Variants in TFCP2 observed in about 807,000 individuals in gnomAD.
TFCP2 encodes the protein transcription factor CP2.
A neutral mutation model predicts 73.4 loss-of-function variants in TFCP2; 33 were observed. That is an observed-to-expected ratio of 0.45 (90% confidence interval 0.34 to 0.60). The LOEUF is 0.60. Ranked by LOEUF, TFCP2 falls within the 20% of genes least tolerant of loss-of-function variation. TFCP2 has a pLI of 0.01. For synonymous variants in TFCP2, 193 were observed against 211.6 expected (o/e 0.91, Z 0.76); for missense variants, 352 against 604.0 (o/e 0.58, Z 4.37).
chr12:51,095,354 G>A, intron 14 of TFCP2, 76 bp from the exon 15 acceptor site: 1 of 1,498,146 alleles, frequency 6.7e-7, no homozygotes, highest in Non-Finnish European at 9.2e-7. Context: ...AGTATGGTAA[G>A]ATTCTCGTGA....
At chr12:51,125,592 T>A (rs2136994798) in intron 1 of TFCP2, among the ~76,000 whole-genome samples, 1 of 152,370 alleles carries the variant, frequency 6.6e-6, no homozygotes, top group South Asian at 2.1e-4. Flanking sequence ...TAACCTCTTC[T>A]GCTCAGCTCA....
chr12:51,142,093 C>T (rs1331777256), intron 1 of TFCP2, among the ~76,000 whole-genome samples: 1 of 147,254 alleles, frequency 6.8e-6, no homozygotes, highest in Non-Finnish European at 1.5e-5. Context: ...ATCCCAGCTA[C>T]TCAGGAGGCT....
chr12:51,117,807 A>G, intron 2 of TFCP2, 60 bp from the exon 3 acceptor site: 1 of 1,206,188 alleles, frequency 8.3e-7, no homozygotes, highest in Non-Finnish European at 1.2e-6. Flanking sequence ...TAGATTCGGA[A>G]AGAATAAAAT....
intron 1 of TFCP2, among the ~76,000 whole-genome samples, chr12:51,146,256 C>T (rs1462516366): frequency 1.3e-5 from 2 of 151,442 alleles, no homozygotes; most frequent in Non-Finnish European, 2.9e-5. Context: ...TGCAGTGAGT[C>T]AAGCTTGTGC....
Position 51,154,292 on chromosome 12 carries a change from T to A in TFCP2, c.122+18009A>T, listed in dbSNP as rs186566118. Reference sequence around the variant, plus strand: ...GGAGAGTATCAAACCCCGTATAGTGTGTTTTTTCCTATATATGTATATCCA... The same window carrying A: ...GGAGAGTATCAAACCCCGTATAGTGAGTTTTTTCCTATATATGTATATCCA... On this transcript the variant is annotated intron_variant, in intron 1 of 14. Coordinates refer to ENST00000257915, the MANE Select transcript of TFCP2 (RefSeq NM_005653.5). Among the ~76,000 whole-genome samples, 117 of 152,314 alleles carry A rather than the reference T, an allele frequency of 7.7e-4. 1 individual carries two copies. The highest frequency in any genetic ancestry group is 6.5e-4 in the Non-Finnish European group (44 of 68,030).
At chr12:51,107,540 T>C (rs146740000) in intron 6 of TFCP2, among the ~76,000 whole-genome samples, 194 bp from the exon 7 acceptor site, 2 of 152,296 alleles carry the variant, frequency 1.3e-5, no homozygotes, top group East Asian at 3.9e-4. Flanking sequence ...GAATCAGATC[T>C]ATAGCTACTG....
intron 8 of TFCP2, among the ~76,000 whole-genome samples, chr12:51,105,759 C>T (rs897877573): frequency 3.9e-5 from 6 of 152,058 alleles, no homozygotes; most frequent in African/African-American, 1.4e-4. Flanking sequence ...TTTAAGCTAC[C>T]TTAATTAAAT....
At chr12:51,097,488 C>T (rs961772965) in intron 13 of TFCP2, among the ~76,000 whole-genome samples, 1 of 149,316 alleles carries the variant, frequency 6.7e-6, no homozygotes, top group Non-Finnish European at 1.5e-5. Context: ...CCTTGTGATC[C>T]ACCCGTCTCA....
At chr12:51,129,452 G>A (rs1418154187) in intron 1 of TFCP2, among the ~76,000 whole-genome samples, 2 of 151,188 alleles carry the variant, frequency 1.3e-5, no homozygotes, top group Non-Finnish European at 2.9e-5. Context: ...GGCGGAGGTT[G>A]CAGTGAGCCG....
intron 3 of TFCP2, among the ~76,000 whole-genome samples, chr12:51,116,807 G>A (rs1018107214): frequency 4.6e-5 from 7 of 152,070 alleles, no homozygotes; most frequent in African/African-American, 1.7e-4. Context: ...TGTAGAGACA[G>A]GGTTTCTCCA....
At chr12:51,144,976 G>A (rs900842587) in intron 1 of TFCP2, among the ~76,000 whole-genome samples, 7 of 152,126 alleles carry the variant, frequency 4.6e-5, no homozygotes, top group South Asian at 2.1e-4. Context: ...CGAGGTGGGC[G>A]GATCACTTGA....
rs985853719 is a variant in TFCP2, at chr12:51,172,684, C to G, written c.-262G>C. ...GGAACGTGAGGACCCCTTTGCTCAA[C>G]TACTGCAGACTTCCCAGAGGCAGCT... On this transcript the variant is annotated 5_prime_UTR_variant, in exon 1 of 15. Transcript: ENST00000257915. 5.1e-6 allele frequency: 2 copies of G among 392,242 alleles called. No homozygotes were observed. Among genetic ancestry groups the G allele is most frequent in the African/African-American group, 4.1e-5 (2 of 49,218 alleles). 24.3% of individuals were successfully genotyped at this position (392,242 alleles called of 1,614,324 possible).
intron 10 of TFCP2, among the ~76,000 whole-genome samples, chr12:51,102,718 G>A (rs1024791403): frequency 6.6e-5 from 10 of 151,500 alleles, no homozygotes; most frequent in African/African-American, 9.7e-5. Context: ...GTGAGACTCC[G>A]TCTCAAAAAA....
chr12:51,163,281 C>T (rs1354643448), intron 1 of TFCP2, among the ~76,000 whole-genome samples: 1 of 152,008 alleles, frequency 6.6e-6, no homozygotes, highest in Non-Finnish European at 1.5e-5. Flanking sequence ...CAGAGCAAGA[C>T]CCTGTCTTAA....
intron 12 of TFCP2, among the ~76,000 whole-genome samples, chr12:51,099,268 T>G (rs1375487916): frequency 2.0e-5 from 3 of 152,124 alleles, no homozygotes; most frequent in Non-Finnish European, 2.9e-5. Flanking sequence ...GGGAGATCGC[T>G]TGAGCCCAGG....
At chr12:51,095,366 A>G in intron 14 of TFCP2, 88 bp from the exon 15 acceptor site, 2 of 1,379,466 alleles carry the variant, frequency 1.4e-6, no homozygotes, top group Non-Finnish European at 2.0e-6. Flanking sequence ...TTCTCGTGAG[A>G]AGGGGAGAAA....
Position 51,132,357 on chromosome 12 carries a change from CTTTTTTTTTTTTTTTT to C in TFCP2, c.123-13601_123-13586del, listed in dbSNP as rs869123355. On this transcript the variant is annotated intron_variant, in intron 1 of 14. Transcript: ENST00000257915. ...TGCAAGTTCTGGTTTAGGGATTAGT[CTTTTTTTTTTTTTTTT>C]TTTTTTTTTTTTTTAGACAGAGTCT... Among the ~76,000 whole-genome samples, 18 of 61,790 alleles carry C rather than the reference CTTTTTTTTTTTTTTTT, an allele frequency of 2.9e-4. 1 individual carries two copies. Among genetic ancestry groups the C allele is most frequent in the South Asian group, 1.7e-3 (2 of 1,178 alleles). 40.5% of individuals were successfully genotyped at this position (61,790 alleles called of 152,430 possible). A position where few individuals can be genotyped will look rare whatever the true frequency, so the allele number is the denominator to read the frequency against.
chr12:51,095,017 A>G lies in TFCP2; in HGVS notation c.*224T>C. On this transcript the variant is annotated 3_prime_UTR_variant, in exon 15 of 15. Coordinates refer to ENST00000257915, the MANE Select transcript of TFCP2 (RefSeq NM_005653.5). ...ACAACAAGGTCCAGAAATTTAACTA[A>G]AACAGCTGCAGAACTGCATATTGGG... is the stretch of plus-strand genomic sequence containing the variant. 5.2e-6 allele frequency: 3 copies of G among 575,798 alleles called. No individual in the cohort carries two copies. The South Asian group carries it at 7.4e-5, about 14-fold the overall frequency. The allele number at this position is 575,798 out of a possible 1,614,324, so 35.7% of individuals were successfully genotyped here.
chr12:51,094,906 C>A lies in TFCP2; in HGVS notation c.*335G>T. 1 of 267,624 alleles carries A rather than the reference C, an allele frequency of 3.7e-6. No homozygotes were observed. Among genetic ancestry groups the A allele is most frequent in the East Asian group, 6.6e-5 (1 of 15,176 alleles). 16.6% of individuals were successfully genotyped at this position (267,624 alleles called of 1,614,324 possible). A position where few individuals can be genotyped will look rare whatever the true frequency, so the allele number is the denominator to read the frequency against. ...GGCTCCATATCACAAAATTTAAGATCTTCCTGTTAAACATCACACAATTCC... is the reference window on the plus strand; with the variant it reads ...GGCTCCATATCACAAAATTTAAGATATTCCTGTTAAACATCACACAATTCC... On this transcript the variant is annotated 3_prime_UTR_variant, in exon 15 of 15. Coordinates refer to ENST00000257915, the MANE Select transcript of TFCP2 (RefSeq NM_005653.5).
Sources: allele counts gnomAD v4.1 joint callset (sites outside exome capture counted in the v4.1 genomes callset), GRCh38; gene constraint gnomAD v4.1.1; transcripts MANE v1.5; gene names NCBI Gene and HGNC (gene_info 2026-07-23, HGNC 2026-07-21).